ZNF862: variants seen among roughly 807,000 people sequenced by gnomAD.
ZNF862 encodes zinc finger protein 862.
ZNF862 carries 64 observed loss-of-function variants against 91.1 expected under a neutral mutation model. The ratio of observed to expected loss-of-function variants is 0.70; its 90% CI spans 0.57 to 0.87. ZNF862 has a LOEUF of 0.87. Ranked by LOEUF, ZNF862 falls within the 40% of genes least tolerant of loss-of-function variation. The probability of loss-of-function intolerance (pLI) is 0.00; values close to 1 mark genes in which losing one functional copy is unlikely to be tolerated. For synonymous variants in ZNF862, 631 were observed against 618.1 expected, an observed-to-expected ratio of 1.02 and a Z score of -0.31; for missense variants, 1,459 against 1,528.0, an observed-to-expected ratio of 0.95 and a Z score of 0.75.
At chr7:149,844,894 G>A in intron 2 of ZNF862, 158 bp downstream of exon 2, 1 of 587,878 alleles carries the variant, frequency 1.7e-6, no homozygotes, top group Non-Finnish European at 3.0e-6. Flanking sequence ...TACCTTAATT[G>A]CATGCAAATT....
intron 1 of ZNF862, among the ~76,000 whole-genome samples, chr7:149,844,141 A>T (rs1241509669): frequency 1.3e-5 from 2 of 152,116 alleles, no homozygotes; most frequent in Non-Finnish European, 2.9e-5. Flanking sequence ...GCCCCTTTAC[A>T]AGCCACACGG....
At chr7:149,841,504 T>C (rs977748752) in intron 1 of ZNF862, 20 of 983,272 alleles carry the variant, frequency 2.0e-5, no homozygotes, top group Admixed American at 6.1e-5. Flanking sequence ...GACTTGACTC[T>C]TACATCCCCA....
chr7:149,859,612 C>A, intron 6 of ZNF862, 86 bp downstream of exon 6: 3 of 1,157,460 alleles, frequency 2.6e-6, no homozygotes, highest in African/African-American at 1.6e-5. Context: ...CTCAGCTGTG[C>A]TCATCTGATG....
At chr7:149,841,140 A>C in intron 1 of ZNF862, 1 of 985,456 alleles carries the variant, frequency 1.0e-6, no homozygotes, top group Non-Finnish European at 1.2e-6. Context: ...CTGTCAGTGT[A>C]AGATGTGTTG....
intron 6 of ZNF862, chr7:149,860,160 G>A: frequency 1.8e-6 from 1 of 553,342 alleles, no homozygotes. Flanking sequence ...GCTGGTGAAA[G>A]AACCCACAAG....
intron 5 of ZNF862, chr7:149,852,280 A>G (rs1934978379): frequency 1.3e-5 from 2 of 151,626 alleles, no homozygotes; most frequent in African/African-American, 4.9e-5. Flanking sequence ...TGAAAACCAA[A>G]TATTATTTTG....
chr7:149,840,714 A>G (rs914831064), intron 1 of ZNF862: 2 of 152,310 alleles, frequency 1.3e-5, no homozygotes, highest in African/African-American at 4.8e-5. Context: ...CATGTGTTAC[A>G]GTGGCCTACA....
At chr7:149,839,019 G>GT (rs1198520916) in intron 1 of ZNF862, among the ~76,000 whole-genome samples, 1 of 152,246 alleles carries the variant, frequency 6.6e-6, no homozygotes, top group Non-Finnish European at 1.5e-5. Flanking sequence ...TGGGACGCTT[G>GT]AGGGCTTGAC....
chr7:149,839,416 CTG>C (rs2128934725), intron 1 of ZNF862, among the ~76,000 whole-genome samples: 1 of 152,300 alleles, frequency 6.6e-6, no homozygotes, highest in East Asian at 1.9e-4. Flanking sequence ...ACGTTTTCGA[CTG>C]TTTATTGAGT....
chr7:149,842,049 C>T (rs6974897), intron 1 of ZNF862, among the ~76,000 whole-genome samples: 53,780 of 151,962 alleles, frequency 0.35, 12,177 homozygotes, highest in African/African-American at 0.65. Flanking sequence ...CACTGGACTC[C>T]AGGGGGGATA....
rs1476895498 is a variant in ZNF862, at chr7:149,866,834, C to G, written c.*2550C>G. On this transcript the variant is annotated 3_prime_UTR_variant, in exon 8 of 8. Transcript: ENST00000223210. ...CCCCCGTGGAAACACAGTGAGCATC[C>G]TTATCAGAGGCCCTGGCCCAGGCTG... 6.6e-6 allele frequency: 1 copy of G among 152,264 alleles called. No homozygotes were observed. Among genetic ancestry groups the G allele is most frequent in the Non-Finnish European group, 1.5e-5 (1 of 68,070 alleles). The allele number at this position is 152,264 out of a possible 1,614,324, so 9.4% of individuals were successfully genotyped here. A position where few individuals can be genotyped will look rare whatever the true frequency, so the allele number is the denominator to read the frequency against.
chr7:149,847,163 G>C (rs1230235000), intron 3 of ZNF862, among the ~76,000 whole-genome samples: 1 of 152,184 alleles, frequency 6.6e-6, no homozygotes, highest in Non-Finnish European at 1.5e-5. Flanking sequence ...TCTGTTCGAA[G>C]GTTTATGTTA....
chr7:149,846,846 T>C (rs911543139), intron 3 of ZNF862, among the ~76,000 whole-genome samples: 1 of 152,206 alleles, frequency 6.6e-6, no homozygotes, highest in Admixed American at 6.5e-5. Flanking sequence ...CACAAAGAGC[T>C]CTAGACAGCT....
Position 149,860,126 on chromosome 7 carries a change from C to T in ZNF862, c.1223-257C>T, listed in dbSNP as rs1424790443. 1.0e-4 allele frequency: 54 copies of T among 514,968 alleles called. No homozygotes were observed. In the East Asian group the frequency reaches 1.7e-3, roughly 16 times the overall value. The allele number at this position is 514,968 out of a possible 1,614,324, so 31.9% of individuals were successfully genotyped here. On this transcript the variant is annotated intron_variant, in intron 6 of 7. Coordinates refer to ENST00000223210, the MANE Select transcript of ZNF862 (RefSeq NM_001099220.3). ...CTGGTGTCACATGATCCCAGGGTAG[C>T]TGTGTGGATAGGGTGGTTGGGGCGC...
At position 149,852,160 on chromosome 7, in the gene ZNF862, T is replaced by A. The variant is rs75928259; in HGVS notation, c.1117+1822T>A. On this transcript the variant is annotated intron_variant, in intron 5 of 7. Transcript: ENST00000223210. Reference sequence around the variant, plus strand: ...AATAGTATTAAATTGGGATATAAAGTAGTGTTAAAACATAGTGGAGATTCT... The same window carrying A: ...AATAGTATTAAATTGGGATATAAAGAAGTGTTAAAACATAGTGGAGATTCT... 20 of 152,248 alleles carry A rather than the reference T, an allele frequency of 1.3e-4. No homozygotes were observed. The East Asian group carries it at 3.9e-3, about 29-fold the overall frequency. The allele number at this position is 152,248 out of a possible 1,614,324, so 9.4% of individuals were successfully genotyped here. A position where few individuals can be genotyped will look rare whatever the true frequency, so the allele number is the denominator to read the frequency against.
In ZNF862 at chr7:149,853,161, G is replaced by A. The variant is rs182464118; in HGVS notation, c.1117+2823G>A. Among the ~76,000 whole-genome samples, 68 of 152,270 alleles carry A rather than the reference G, an allele frequency of 4.5e-4. 1 individual carries two copies. The highest frequency in any genetic ancestry group is 4.4e-3 in the Admixed American group (68 of 15,304). On this transcript the variant is annotated intron_variant, in intron 5 of 7. Transcript: ENST00000223210. ...AGGACTGAAACTCCCGGGCCCAGGC[G>A]ATCCTCCTGCCTCCATCTCCGGAGT... is the stretch of plus-strand genomic sequence containing the variant.
intron 1 of ZNF862, among the ~76,000 whole-genome samples, chr7:149,841,914 A>G (rs985248419): frequency 1.3e-5 from 2 of 152,222 alleles, no homozygotes; most frequent in African/African-American, 4.8e-5. Flanking sequence ...CTTAAGTAAT[A>G]AATGTGTGTT....
chr7:149,841,462 C>A (rs1008181541), intron 1 of ZNF862: 7 of 977,658 alleles, frequency 7.2e-6, no homozygotes, highest in East Asian at 2.3e-4. Flanking sequence ...AAATAAAATT[C>A]TCATGTTCAT....
At chr7:149,858,564 C>T (rs1353129686) in intron 5 of ZNF862, 1 of 152,138 alleles carries the variant, frequency 6.6e-6, no homozygotes, top group Admixed American at 6.5e-5. Flanking sequence ...ACCCACAGGC[C>T]CAGTTGCTTG....
Sources: gnomAD v4.1 joint callset for allele counts (sites outside exome capture counted in the v4.1 genomes callset) on GRCh38, gnomAD v4.1.1 for gene constraint, MANE v1.5 for transcripts, NCBI Gene and HGNC (gene_info 2026-07-23, HGNC 2026-07-21) for gene names.